Variants in MRPS27 observed in about 807,000 individuals in gnomAD.
The protein encoded by MRPS27 is mitochondrial ribosomal protein S27, also known as small ribosomal subunit protein mS27.
A neutral mutation model predicts 48.9 loss-of-function variants in MRPS27; 43 were observed. The ratio of observed to expected loss-of-function variants is 0.88; its 90% CI spans 0.69 to 1.13. The LOEUF (loss-of-function observed/expected upper bound fraction) is 1.13. MRPS27 is among the 50% of genes most tolerant of loss of function. The pLI is 0.00. For missense variants in MRPS27, 467 were observed against 476.3 expected, an observed-to-expected ratio of 0.98 and a Z score of 0.18; for synonymous variants, 188 against 171.9, an observed-to-expected ratio of 1.09 and a Z score of -0.73.
At chr5:72,223,635 AGT>A in intron 10 of MRPS27, 46 bp downstream of exon 10, 1 of 1,599,708 alleles carries the variant, frequency 6.3e-7, no homozygotes, top group Non-Finnish European at 8.6e-7. Context: ...ACAGGAGAGA[AGT>A]GTGTTTTATG....
At position 72,226,206 on chromosome 5, in the gene MRPS27, C is replaced by T. The variant is rs752112789; in HGVS notation, c.695-7G>A. 1 of 1,613,338 alleles carries T rather than the reference C, an allele frequency of 6.2e-7. No homozygotes were observed. The highest frequency in any genetic ancestry group is 8.5e-7 in the Non-Finnish European group (1 of 1,179,520). On this transcript the variant is annotated splice_polypyrimidine_tract_variant and splice_region_variant and intron_variant, in intron 8 of 10. Coordinates refer to ENST00000261413, the MANE Select transcript of MRPS27 (RefSeq NM_015084.3). ...TGCTGCAACTCCACCTTCCCTGTGG[C>T]CAAAAAGAACAATAAAGAATGCTCA...
chr5:72,223,587 G>T, intron 10 of MRPS27, 96 bp downstream of exon 10: 6 of 1,420,934 alleles, frequency 4.2e-6, no homozygotes, highest in Non-Finnish European at 1.9e-6. Context: ...ATGCCTCTTT[G>T]TGTGACATTG....
chr5:72,236,295 A>G (rs1276952852), intron 5 of MRPS27, among the ~76,000 whole-genome samples: 1 of 152,190 alleles, frequency 6.6e-6, no homozygotes, highest in African/African-American at 2.4e-5. Context: ...GGGCAGCCAG[A>G]GTTGGAAATC....
At chr5:72,296,519 A>G (rs909437202) in intron 3 of MRPS27, among the ~76,000 whole-genome samples, 4 of 152,224 alleles carry the variant, frequency 2.6e-5, no homozygotes, top group South Asian at 2.1e-4. Context: ...CTCGAAGAGT[A>G]TAAGGCACCA....
intron 8 of MRPS27, 100 bp from the exon 9 acceptor site, chr5:72,226,299 C>G (rs1747895726): frequency 7.4e-7 from 1 of 1,350,098 alleles, no homozygotes; most frequent in African/African-American, 1.4e-5. Flanking sequence ...CCTGGCAGCA[C>G]TAGAAATAGA....
intron 5 of MRPS27, 67 bp downstream of exon 5, chr5:72,237,947 C>T: frequency 8.9e-7 from 1 of 1,126,468 alleles, no homozygotes; most frequent in Non-Finnish European, 1.3e-6. Context: ...TGCTGTACTA[C>T]AATAGGTACA....
chr5:72,269,567 CAGAGA>C (rs1749183105), intron 4 of MRPS27, among the ~76,000 whole-genome samples: 1 of 152,124 alleles, frequency 6.6e-6, no homozygotes, highest in East Asian at 1.9e-4. Context: ...AGTGGAAGAG[CAGAGA>C]AAATTCAGAG....
At chr5:72,309,348 C>T (rs955749688) in intron 2 of MRPS27, among the ~76,000 whole-genome samples, 1 of 152,036 alleles carries the variant, frequency 6.6e-6, no homozygotes, top group Non-Finnish European at 1.5e-5. Flanking sequence ...TCACTGCAAC[C>T]TCTGCCTCCC....
At chr5:72,264,668 G>A (rs2112007311) in intron 4 of MRPS27, among the ~76,000 whole-genome samples, 1 of 152,338 alleles carries the variant, frequency 6.6e-6, no homozygotes, top group Middle Eastern at 3.4e-3. Context: ...CAAAGGCACA[G>A]ACTGGAGTGG....
chr5:72,276,592 G>A (rs909031457), intron 4 of MRPS27, among the ~76,000 whole-genome samples: 14 of 152,088 alleles, frequency 9.2e-5, no homozygotes, highest in African/African-American at 3.1e-4. Context: ...AAGAGCTTCT[G>A]CAGAGCCAAA....
chr5:72,226,252 C>G, intron 8 of MRPS27, 53 bp from the exon 9 acceptor site: 3 of 1,602,466 alleles, frequency 1.9e-6, no homozygotes, highest in Non-Finnish European at 2.6e-6. Context: ...CCCACCATTT[C>G]TAAGACTGAG....
rs998776945 is a variant in MRPS27, at chr5:72,307,921, A to G, written c.151+6160T>C. On this transcript the variant is annotated intron_variant, in intron 2 of 10. Transcript: ENST00000261413. ...TACTTTAATGTAGGCGGAAGATCCT[A>G]TGGTAGAATCTCAGGTACTACAGCA... 5 of 152,264 alleles carry G rather than the reference A, an allele frequency of 3.3e-5. No homozygotes were observed. In the South Asian group the frequency reaches 8.3e-4, roughly 25 times the overall value. The allele number at this position is 152,264 out of a possible 1,614,324, so 9.4% of individuals were successfully genotyped here.
intron 4 of MRPS27, among the ~76,000 whole-genome samples, chr5:72,278,000 G>A (rs35090617): frequency 6.6e-6 from 1 of 152,120 alleles, no homozygotes; most frequent in African/African-American, 2.4e-5. Context: ...TTAATACTTA[G>A]GTGACAGGTT....
rs570518909 is a variant in MRPS27, at chr5:72,245,851, T to G, written c.282-7723A>C. On this transcript the variant is annotated intron_variant, in intron 4 of 10. Transcript: ENST00000261413. ...GAAGCTCAGTACTAATCAGGATTTC[T>G]TAAGAATTAGATTTTTATTAAAGAA... 7.2e-5 allele frequency among the ~76,000 whole-genome samples: 11 copies of G among 152,332 alleles called. No individual in the cohort carries two copies. The East Asian group carries it at 1.2e-3, about 16-fold the overall frequency.
intron 2 of MRPS27, among the ~76,000 whole-genome samples, chr5:72,311,650 C>T (rs898461949): frequency 6.6e-6 from 1 of 152,202 alleles, no homozygotes; most frequent in African/African-American, 2.4e-5. Flanking sequence ...CCTCAGGACT[C>T]TGAATAGTCC....
intron 4 of MRPS27, among the ~76,000 whole-genome samples, chr5:72,267,276 C>T (rs143087783): frequency 5.3e-5 from 8 of 152,258 alleles, no homozygotes; most frequent in African/African-American, 1.9e-4. Context: ...TAATTTGAAA[C>T]CGCCTAAAAA....
At chr5:72,307,500 C>A (rs1750304542) in intron 2 of MRPS27, among the ~76,000 whole-genome samples, 1 of 152,062 alleles carries the variant, frequency 6.6e-6, no homozygotes, top group Admixed American at 6.5e-5. Context: ...AAAATATTTA[C>A]GGATGAAATG....
chr5:72,292,872 G>A (rs538275984), intron 4 of MRPS27, among the ~76,000 whole-genome samples: 5 of 152,192 alleles, frequency 3.3e-5, no homozygotes, highest in Non-Finnish European at 5.9e-5. Context: ...CTAACCCCAG[G>A]CCTGCAAGCT....
intron 7 of MRPS27, among the ~76,000 whole-genome samples, chr5:72,231,715 A>G (rs1748069502): frequency 6.6e-6 from 1 of 152,090 alleles, no homozygotes; most frequent in Non-Finnish European, 1.5e-5. Context: ...TTCAGTTCCT[A>G]CCCAAACTGG....
Sources: gnomAD v4.1 joint callset for allele counts (sites outside exome capture counted in the v4.1 genomes callset) on GRCh38, gnomAD v4.1.1 for gene constraint, MANE v1.5 for transcripts, NCBI Gene and HGNC (gene_info 2026-07-23, HGNC 2026-07-21) for gene names.